Variants in ITPR3 observed in about 807,000 individuals in gnomAD.
ITPR3 encodes the protein inositol 1,4,5-trisphosphate receptor type 3, also known as inositol 1,4,5-trisphosphate-gated calcium channel ITPR3.
ITPR3 carries 173 observed loss-of-function variants against 293.2 expected under a neutral mutation model. The ratio of observed to expected loss-of-function variants is 0.59; its 90% confidence interval spans 0.52 to 0.67. ITPR3 has a LOEUF of 0.67. Among genes scored for constraint, ITPR3 ranks in the 30% least tolerant of loss-of-function variants. The pLI is 0.00. For synonymous variants in ITPR3, 1,295 were observed against 1,444.4 expected, an observed-to-expected ratio of 0.90 and a Z score of 2.35; for missense variants, 2,796 against 3,592.1, an observed-to-expected ratio of 0.78 and a Z score of 5.66.
At position 33,675,744 on chromosome 6, in the gene ITPR3, G is replaced by T. The variant is rs763191989; in HGVS notation, c.3170G>T (p.Arg1057Leu). Residue 1057 changes from arginine (R) to leucine (L), a missense_variant, in exon 25 of 58, where the codon CGC becomes CTC. This residue lies in a region of ITPR3 where 955 missense variants were observed against 1,180.8 expected (regional missense o/e 0.81). Coordinates refer to ENST00000605930, the MANE Select transcript of ITPR3 (RefSeq NM_002224.4). The surrounding 1 kb of genome is among the most constrained non-coding windows in gnomAD (Gnocchi z 5.0). ...VDDEGGRMFL[R>L]VLIHLTMHDY... ...GACGAGGGCGGCCGCATGTTCCTGCGCGTGCTCATCCACCTCACCATGCAC... is the reference window on the plus strand; with the variant it reads ...GACGAGGGCGGCCGCATGTTCCTGCTCGTGCTCATCCACCTCACCATGCAC... 2 of 1,612,994 alleles carry T rather than the reference G, an allele frequency of 1.2e-6. No individual in the cohort carries two copies. Among genetic ancestry groups the T allele is most frequent in the Non-Finnish European group, 1.7e-6 (2 of 1,179,816 alleles).
chr6:33,682,627 G>T lies in ITPR3; in HGVS notation c.4580G>T (p.Arg1527Leu). The T allele has an allele frequency of 6.3e-7, 1 of 1,596,268 alleles. No homozygotes were observed. Among genetic ancestry groups the T allele is most frequent in the South Asian group, 1.1e-5 (1 of 88,600 alleles). Residue 1527 changes from arginine (R) to leucine (L), a missense_variant, in exon 34 of 58, where the codon CGG becomes CTG. Around this residue, in one of 8 missense-constraint regions of ITPR3, gnomAD observed 704 missense variants for 797.5 expected, o/e 0.88. Transcript: ENST00000605930. The surrounding 1 kb of genome is among the most constrained non-coding windows in gnomAD (Gnocchi z 5.4). ...AAGGGCTCCGTGGAGGCCTGCATCCGGACCCTCGCCATGGTGGGTGAGTGT... is the reference window on the plus strand; with the variant it reads ...AAGGGCTCCGTGGAGGCCTGCATCCTGACCCTCGCCATGGTGGGTGAGTGT... ...QHKGSVEACIRTLAMVAKGRA... is the reference protein window; with the variant it reads ...QHKGSVEACILTLAMVAKGRA...
Position 33,671,017 on chromosome 6 carries a change from CTCT to C in ITPR3, c.2587-147_2587-145del, listed in dbSNP as rs934043906. On this transcript the variant is annotated intron_variant, in intron 20 of 57. Transcript: ENST00000605930. ...GTTCCAATGCCTGGGAAAGGGCTGC[CTCT>C]CCCTGCTCCGCTCTCCCTCCTGGGA... 61 of 1,400,900 alleles carry C rather than the reference CTCT, an allele frequency of 4.4e-5. No individual in the cohort carries two copies. The Admixed American group carries it at 1.2e-3, about 27-fold the overall frequency. 86.8% of individuals were successfully genotyped at this position (1,400,900 alleles called of 1,614,324 possible). A position where few individuals can be genotyped will look rare whatever the true frequency, so the allele number is the denominator to read the frequency against.
Position 33,638,298 on chromosome 6 carries a change from C to T in ITPR3, c.90-2186C>T, listed in dbSNP as rs572592580. 6.6e-6 allele frequency among the ~76,000 whole-genome samples: 1 copy of T among 152,246 alleles called. No homozygotes were observed. Among genetic ancestry groups the T allele is most frequent in the African/African-American group, 2.4e-5 (1 of 41,466 alleles). On this transcript the variant is annotated intron_variant, in intron 1 of 57. Transcript: ENST00000605930. The surrounding 1 kb of genome is among the most constrained non-coding windows in gnomAD (Gnocchi z 4.3). ...GGATTACAGGCATGAGCCACCGCGT[C>T]CATCCACATAGGCATGATTGATTAA...
At chr6:33,643,957 C>G (rs1381922461) in intron 2 of ITPR3, among the ~76,000 whole-genome samples, 1 of 152,182 alleles carries the variant, frequency 6.6e-6, no homozygotes. Flanking sequence ...CTTGGGAGGC[C>G]GAGGCAGTCA....
At chr6:33,681,712 G>A (rs1191893900) in intron 33 of ITPR3, among the ~76,000 whole-genome samples, 1 of 152,130 alleles carries the variant, frequency 6.6e-6, no homozygotes, top group African/African-American at 2.4e-5. Context: ...AGTCTGGGGG[G>A]AAAAATGCTG....
Position 33,693,681 on chromosome 6 carries a change from G to C in ITPR3, c.7761G>C (p.Glu2587Asp). ...VKNKTDYTGP[E>D]SYVAQMIKNK... is the part of the protein sequence containing the mutation. ...ACAAGACCGACTACACGGGCCCTGA[G>C]AGCTACGTGGCCCAGATGATCAAGG... The change falls in exon 56 of 58, where the codon GAG (glutamate) becomes GAC (aspartate). Residue 2587 changes from glutamate (E) to aspartate (D), a missense_variant. By Grantham distance (45) the Glu-to-Asp change is conservative (BLOSUM62 2). Coordinates refer to ENST00000605930, the MANE Select transcript of ITPR3 (RefSeq NM_002224.4). The C allele has an allele frequency of 1.2e-6, 2 of 1,614,166 alleles. No homozygotes were observed. Among genetic ancestry groups the C allele is most frequent in the East Asian group, 4.5e-5 (2 of 44,890 alleles).
At position 33,658,541 on chromosome 6, in the gene ITPR3, T is replaced by C; in HGVS notation, c.370-129T>C. On this transcript the variant is annotated intron_variant, in intron 4 of 57. Coordinates refer to ENST00000605930, the MANE Select transcript of ITPR3 (RefSeq NM_002224.4). This position sits in a 1 kb window ranked among gnomAD's most constrained non-coding sequence, Gnocchi z 6.1. ...ATGTGGGTGTCAGCCTGTATGTTTG[T>C]GACAGGTGTCTGACACTATGTGTGC... 9.1e-7 allele frequency: 1 copy of C among 1,103,354 alleles called. No individual in the cohort carries two copies. The highest frequency in any genetic ancestry group is 1.6e-5 in the African/African-American group (1 of 64,162). 68.3% of individuals were successfully genotyped at this position (1,103,354 alleles called of 1,614,324 possible).
chr6:33,650,968 A>G (rs1256665201), intron 2 of ITPR3, among the ~76,000 whole-genome samples: 1 of 152,002 alleles, frequency 6.6e-6, no homozygotes, highest in Non-Finnish European at 1.5e-5. Flanking sequence ...TATACTGGTT[A>G]TTGCATTTGA....
Position 33,659,023 on chromosome 6 carries a change from G to A in ITPR3, c.531G>A (p.Val177=). ...ACCTGTCCCACCTGTCTGCTCAGGT[G>A]GTCGTGGGGGACAAGGTGATCCTGA... ...FWKLRSNGDN[V]VVGDKVILNP... Residue 177 remains valine (V), a splice_region_variant and synonymous_variant, in exon 6 of 58, where the codon GTG becomes GTA. Transcript: ENST00000605930. 1 of 1,614,122 alleles carries A rather than the reference G, an allele frequency of 6.2e-7. No homozygotes were observed. Among genetic ancestry groups the A allele is most frequent in the South Asian group, 1.1e-5 (1 of 91,078 alleles).
Position 33,658,579 on chromosome 6 carries a change from A to T in ITPR3, c.370-91A>T. ...ACACTATGTGTGCAGCCAGAATGTG[A>T]CCAAGGGTCTAGGGGATCCCCCCAT... is the stretch of plus-strand genomic sequence containing the variant. On this transcript the variant is annotated intron_variant, in intron 4 of 57. Transcript: ENST00000605930. The surrounding 1 kb of genome is among the most constrained non-coding windows in gnomAD (Gnocchi z 6.1). 2 of 1,465,218 alleles carry T rather than the reference A, an allele frequency of 1.4e-6. No individual in the cohort carries two copies. The highest frequency in any genetic ancestry group is 1.3e-5 in the South Asian group (1 of 78,406). 90.8% of individuals were successfully genotyped at this position (1,465,218 alleles called of 1,614,324 possible). A position where few individuals can be genotyped will look rare whatever the true frequency, so the allele number is the denominator to read the frequency against.
Position 33,621,774 on chromosome 6 carries a change from G to GC in ITPR3, c.89+89dup. 5 of 1,039,468 alleles carry GC rather than the reference G, an allele frequency of 4.8e-6. No homozygotes were observed. Among genetic ancestry groups the GC allele is most frequent in the Non-Finnish European group, 5.8e-6 (4 of 689,592 alleles). The allele number at this position is 1,039,468 out of a possible 1,614,324, so 64.4% of individuals were successfully genotyped here. On this transcript the variant is annotated intron_variant, in intron 1 of 57. Coordinates refer to ENST00000605930, the MANE Select transcript of ITPR3 (RefSeq NM_002224.4). This position sits in a 1 kb window ranked among gnomAD's most constrained non-coding sequence, Gnocchi z 7.7. ...TGCCAGCTGCGTGCGTCCAGCCGCC[G>GC]CCCCCCGATAGAGGCCTGGACGTCC...
In ITPR3 at chr6:33,624,889, A is replaced by G. The variant is rs1763516947; in HGVS notation, c.89+3198A>G. Among the ~76,000 whole-genome samples the G allele has an allele frequency of 1.3e-5, 2 of 152,226 alleles. No homozygotes were observed. The highest frequency in any genetic ancestry group is 6.5e-5 in the Admixed American group (1 of 15,284). On this transcript the variant is annotated intron_variant, in intron 1 of 57. Transcript: ENST00000605930. The surrounding 1 kb of genome is among the most constrained non-coding windows in gnomAD (Gnocchi z 4.7). ...CTTCAGTGCAAAGTGGACGAGGCCA[A>G]TTAGAGCCTCCTGGAGAATTAGAGG...
rs1238576436 is a variant in ITPR3, at chr6:33,624,426, C to T, written c.89+2735C>T. On this transcript the variant is annotated intron_variant, in intron 1 of 57. Coordinates refer to ENST00000605930, the MANE Select transcript of ITPR3 (RefSeq NM_002224.4). The surrounding 1 kb of genome is among the most constrained non-coding windows in gnomAD (Gnocchi z 4.7). Reference sequence around the variant, plus strand: ...TAAGTAATCAGTCCAGCAGCTTCAGCGTCACCAGGAAGTTTGTCAGAAATG... The same window carrying T: ...TAAGTAATCAGTCCAGCAGCTTCAGTGTCACCAGGAAGTTTGTCAGAAATG... Among the ~76,000 whole-genome samples, 2 of 152,236 alleles carry T rather than the reference C, an allele frequency of 1.3e-5. No individual in the cohort carries two copies. The highest frequency in any genetic ancestry group is 2.9e-5 in the Non-Finnish European group (2 of 68,044).
At chr6:33,630,340 G>A (rs1039444341) in intron 1 of ITPR3, among the ~76,000 whole-genome samples, 1 of 152,186 alleles carries the variant, frequency 6.6e-6, no homozygotes, top group Non-Finnish European at 1.5e-5. Flanking sequence ...GTTGGCCTGA[G>A]GGTCTGCCCT....
At position 33,683,107 on chromosome 6, in the gene ITPR3, A is replaced by G. The variant is rs992903989; in HGVS notation, c.4598-100A>G. The G allele has an allele frequency of 1.1e-6, 1 of 870,260 alleles. No homozygotes were observed. The highest frequency in any genetic ancestry group is 1.7e-5 in the African/African-American group (1 of 57,954). The allele number at this position is 870,260 out of a possible 1,614,324, so 53.9% of individuals were successfully genotyped here. On this transcript the variant is annotated intron_variant, in intron 34 of 57. Transcript: ENST00000605930. This position sits in a 1 kb window ranked among gnomAD's most constrained non-coding sequence, Gnocchi z 4.5. ...TCTCTGTCTCCCAGACCCTTGGTCT[A>G]GTTCACTCTGTCTCCTGGTGTGGCA...
chr6:33,661,992 G>GAAAAAAAAAAAAAAA lies in ITPR3; in HGVS notation c.712-525_712-511dup, dbSNP rs55958712. Among the ~76,000 whole-genome samples the GAAAAAAAAAAAAAAA allele has an allele frequency of 1.5e-3, 73 of 47,188 alleles. 11 individuals carry two copies. Among genetic ancestry groups the GAAAAAAAAAAAAAAA allele is most frequent in the Admixed American group, 2.5e-3 (7 of 2,850 alleles). 31.0% of individuals were successfully genotyped at this position (47,188 alleles called of 152,430 possible). ...CCTGGGCAACAGAGTGACTGTCTCT[G>GAAAAAAAAAAAAAAA]AAAAAAAAAAAAAAAAAAAAAAAAA... On this transcript the variant is annotated intron_variant, in intron 7 of 57. Coordinates refer to ENST00000605930, the MANE Select transcript of ITPR3 (RefSeq NM_002224.4).
At chr6:33,673,555 A>C (rs535104190) in intron 22 of ITPR3, 36 bp from the exon 23 acceptor site, 2 of 1,611,804 alleles carry the variant, frequency 1.2e-6, no homozygotes, top group Non-Finnish European at 1.7e-6. Flanking sequence ...ATCAGTCCTC[A>C]CCCCATCCTC....
At chr6:33,649,133 G>C (rs916219453) in intron 2 of ITPR3, among the ~76,000 whole-genome samples, 6 of 152,186 alleles carry the variant, frequency 3.9e-5, no homozygotes, top group Non-Finnish European at 8.8e-5. Flanking sequence ...TTGAACTCCT[G>C]ACCCCGTGAT....
In ITPR3 at chr6:33,675,687, G is replaced by A. The variant is rs763949801; in HGVS notation, c.3117-4G>A. The A allele has an allele frequency of 6.5e-5, 103 of 1,593,634 alleles. No homozygotes were observed. In the South Asian group the frequency reaches 7.8e-4, roughly 12 times the overall value. On this transcript the variant is annotated splice_region_variant and splice_polypyrimidine_tract_variant and intron_variant, in intron 24 of 57. Coordinates refer to ENST00000605930, the MANE Select transcript of ITPR3 (RefSeq NM_002224.4). The surrounding 1 kb of genome is among the most constrained non-coding windows in gnomAD (Gnocchi z 5.0). ...CCATGCGCCCTGCACCCTTGTGCCC[G>A]CAGGAAGACAAGCAGCATGCTGGAG...
Sources: allele counts gnomAD v4.1 joint callset (sites outside exome capture counted in the v4.1 genomes callset), GRCh38; gene constraint gnomAD v4.1.1; regional missense constraint gnomAD v4.1.1; non-coding constraint Gnocchi (gnomAD v3.1); transcripts MANE v1.5; gene names NCBI Gene and HGNC (gene_info 2026-07-23, HGNC 2026-07-21).